Variants in NCOA2 observed in about 807,000 individuals in gnomAD.
The protein encoded by NCOA2 is nuclear receptor coactivator 2.
Under a neutral mutation model 145.1 loss-of-function variants are expected in NCOA2, and 21 were observed. The ratio of observed to expected loss-of-function variants is 0.14; its 90% CI spans 0.10 to 0.21. The LOEUF (loss-of-function observed/expected upper bound fraction) is 0.21, where lower values mean the gene tolerates loss of function less well. Ranked by LOEUF, NCOA2 falls within the 10% of genes least tolerant of loss-of-function variation. The probability of loss-of-function intolerance (pLI) is 1.00; values close to 1 mark genes in which losing one functional copy is unlikely to be tolerated. For synonymous variants in NCOA2, 619 were observed against 637.5 expected (o/e 0.97, Z 0.44); for missense variants, 1,472 against 1,837.6 (o/e 0.80, Z 3.64).
chr8:70,127,024 C>A lies in NCOA2; in HGVS notation c.3705G>T (p.Leu1235=). 1 of 1,611,550 alleles carries A rather than the reference C, an allele frequency of 6.2e-7. No individual in the cohort carries two copies. Among genetic ancestry groups the A allele is most frequent in the Non-Finnish European group, 8.5e-7 (1 of 1,178,774 alleles). Residue 1235 remains leucine, a synonymous_variant, in exon 19 of 23, where the codon CTG becomes CTT. Transcript: ENST00000452400. ...TCAGGATTTCCCTCTGTCTCTGGGCCAGCATCTGTGCATTAATAGGTGCCT... is the reference window on the plus strand; with the variant it reads ...TCAGGATTTCCCTCTGTCTCTGGGCAAGCATCTGTGCATTAATAGGTGCCT... The part of the protein sequence containing the change: ...PTQAPINAQM[L]AQRQREILNQ...
At chr8:70,330,996 C>T (rs1480790423) in intron 1 of NCOA2, among the ~76,000 whole-genome samples, 1 of 151,730 alleles carries the variant, frequency 6.6e-6, no homozygotes, top group Non-Finnish European at 1.5e-5. Flanking sequence ...ATTTTAAAGC[C>T]TCCCGTACTC....
chr8:70,183,044 A>C (rs1307437222), intron 4 of NCOA2, among the ~76,000 whole-genome samples: 2 of 152,188 alleles, frequency 1.3e-5, no homozygotes, highest in African/African-American at 4.8e-5. Flanking sequence ...ACAGCAATGG[A>C]GTACTGAGAG....
intron 1 of NCOA2, among the ~76,000 whole-genome samples, chr8:70,350,983 C>T (rs770819218): frequency 6.6e-6 from 1 of 152,196 alleles, no homozygotes; most frequent in Non-Finnish European, 1.5e-5. Context: ...TGATGATGGC[C>T]TCTGTGCCAT....
At chr8:70,250,392 CAAAAAAAAAAAAA>C (rs34008376) in intron 2 of NCOA2, among the ~76,000 whole-genome samples, 1,442 of 49,692 alleles carry the variant, frequency 0.029, 45 homozygotes, top group African/African-American at 0.083. Flanking sequence ...GACCCTGTCT[CAAAAAAAAAAAAA>C]AAAAAAAAAA....
chr8:70,430,685 A>G, the NCOA2 span, among the ~76,000 whole-genome samples: 1 of 152,126 alleles, frequency 6.6e-6, no homozygotes, highest in Non-Finnish European at 1.5e-5. Flanking sequence ...CACTCAATTA[A>G]AAAAAATGGT....
intron 4 of NCOA2, among the ~76,000 whole-genome samples, chr8:70,186,475 C>T (rs1816081648): frequency 6.6e-6 from 1 of 152,142 alleles, no homozygotes; most frequent in Non-Finnish European, 1.5e-5. Flanking sequence ...GGGCAAGGTG[C>T]TGCGAGGGAC....
At chr8:70,398,864 A>G (rs577670446) in intron 1 of NCOA2, among the ~76,000 whole-genome samples, 10 of 152,352 alleles carry the variant, frequency 6.6e-5, no homozygotes, top group African/African-American at 2.2e-4. Flanking sequence ...AAATGTGGTC[A>G]TTGATCAACA....
intron 1 of NCOA2, among the ~76,000 whole-genome samples, chr8:70,350,170 C>CA (rs1809048169): frequency 6.6e-6 from 1 of 152,078 alleles, no homozygotes; most frequent in African/African-American, 2.4e-5. Context: ...CCCATACTCT[C>CA]AAAAAATGTC....
chr8:70,352,790 TA>T (rs1809357420), intron 1 of NCOA2, among the ~76,000 whole-genome samples: 1 of 152,210 alleles, frequency 6.6e-6, no homozygotes, highest in African/African-American at 2.4e-5. Context: ...TCCACTAAAT[TA>T]ATTTTACAAC....
chr8:70,371,446 T>C (rs537940441), intron 1 of NCOA2, among the ~76,000 whole-genome samples: 13 of 152,292 alleles, frequency 8.5e-5, no homozygotes, highest in African/African-American at 2.6e-4. Context: ...CAGAATAATC[T>C]AGAATTCTTA....
chr8:70,422,527 C>T, the NCOA2 span, among the ~76,000 whole-genome samples: 8 of 152,052 alleles, frequency 5.3e-5, no homozygotes, highest in African/African-American at 1.7e-4. Context: ...CCTCCCACCT[C>T]AGCCTCCCAA....
At chr8:70,306,551 T>C (rs1827906725) in intron 1 of NCOA2, among the ~76,000 whole-genome samples, 1 of 152,170 alleles carries the variant, frequency 6.6e-6, no homozygotes, top group Non-Finnish European at 1.5e-5. Context: ...GAGCTACCTT[T>C]TGTTATGAAA....
chr8:70,148,677 T>C (rs1585843938), intron 11 of NCOA2, among the ~76,000 whole-genome samples, 194 bp from the exon 12 acceptor site: 1 of 152,218 alleles, frequency 6.6e-6, no homozygotes, highest in Admixed American at 6.5e-5. Flanking sequence ...AATAATTTAA[T>C]CTCTTGGTCC....
intron 4 of NCOA2, among the ~76,000 whole-genome samples, chr8:70,190,368 T>C (rs1331568114): frequency 6.6e-6 from 1 of 152,216 alleles, no homozygotes; most frequent in Non-Finnish European, 1.5e-5. Context: ...CTAAAGAAAC[T>C]ATGAGTCACT....
chr8:70,440,148 G>A, the NCOA2 span, among the ~76,000 whole-genome samples: 4 of 152,194 alleles, frequency 2.6e-5, no homozygotes, highest in South Asian at 6.2e-4. Flanking sequence ...AGCTGGGCAT[G>A]GTGGCGCACA....
intron 1 of NCOA2, among the ~76,000 whole-genome samples, chr8:70,328,808 T>C (rs1182036818): frequency 6.6e-6 from 1 of 151,932 alleles, no homozygotes; most frequent in East Asian, 1.9e-4. Context: ...AATAGGACAA[T>C]ACCAACAAGT....
chr8:70,281,173 G>A (rs1825845093), intron 2 of NCOA2, among the ~76,000 whole-genome samples: 1 of 151,502 alleles, frequency 6.6e-6, no homozygotes, highest in Non-Finnish European at 1.5e-5. Context: ...AGCCAACATG[G>A]TGAAATCCCG....
At chr8:70,214,738 T>C (rs1161583222) in intron 3 of NCOA2, among the ~76,000 whole-genome samples, 1 of 152,062 alleles carries the variant, frequency 6.6e-6, no homozygotes, top group East Asian at 1.9e-4. Context: ...GTTAATGGAA[T>C]GGAAAAATAT....
At chr8:70,347,834 GACTTGT>G (rs1181011795) in intron 1 of NCOA2, among the ~76,000 whole-genome samples, 1 of 152,104 alleles carries the variant, frequency 6.6e-6, no homozygotes, top group Non-Finnish European at 1.5e-5. Context: ...CCAAGAACAA[GACTTGT>G]ACACATGCAG....
Sources: gnomAD v4.1 joint callset for allele counts (sites outside exome capture counted in the v4.1 genomes callset) on GRCh38, gnomAD v4.1.1 for gene constraint, MANE v1.5 for transcripts, NCBI Gene and HGNC (gene_info 2026-07-23, HGNC 2026-07-21) for gene names.